Variants in GLP1R observed in about 807,000 individuals in gnomAD.
GLP1R encodes the protein glucagon like peptide 1 receptor, also known as glucagon-like peptide 1 receptor.
In GLP1R, 32 loss-of-function variants were observed where a neutral mutation model predicts 68.4. The observed-to-expected ratio is 0.47, with a 90% CI of 0.35 to 0.63. GLP1R has a LOEUF of 0.63. Ranked by LOEUF, GLP1R falls within the 20% of genes least tolerant of loss-of-function variation. The pLI is 0.00. For missense variants in GLP1R, 502 were observed against 594.9 expected (o/e 0.84, Z 1.62); for synonymous variants, 263 against 244.4 (o/e 1.08, Z -0.71).
intron 3 of GLP1R, among the ~76,000 whole-genome samples, chr6:39,065,378 T>A (rs1284264703): frequency 6.6e-6 from 1 of 152,212 alleles, no homozygotes; most frequent in African/African-American, 2.4e-5. Flanking sequence ...GACATGGAAC[T>A]GAGCTAAACT....
At chr6:39,057,122 T>C (rs1768232321) in intron 2 of GLP1R, among the ~76,000 whole-genome samples, 1 of 152,148 alleles carries the variant, frequency 6.6e-6, no homozygotes, top group Admixed American at 6.5e-5. Flanking sequence ...ATCTGTGAAG[T>C]GCAATTTAAG....
intron 12 of GLP1R, among the ~76,000 whole-genome samples, chr6:39,083,812 G>C (rs1295555870): frequency 6.6e-6 from 1 of 152,210 alleles, no homozygotes; most frequent in East Asian, 1.9e-4. Context: ...AGGAGGAAGT[G>C]TGGTGGCCTA....
Position 39,078,397 on chromosome 6 carries a change from C to CCCTTGGAGCAGGA in GLP1R, c.884+16_884+17insCTTGGAGCAGGAC. On this transcript the variant is annotated intron_variant, in intron 8 of 12. Coordinates refer to ENST00000373256, the MANE Select transcript of GLP1R (RefSeq NM_002062.5). ...GAGGACGAGGGGTGAGTGTCCTGCT[C>CCCTTGGAGCAGGA]CAAGGGGGCGGGTGTGCCCAGGTCC... 1.3e-6 allele frequency: 2 copies of CCCTTGGAGCAGGA among 1,595,122 alleles called. No homozygotes were observed. Among genetic ancestry groups the CCCTTGGAGCAGGA allele is most frequent in the African/African-American group, 1.3e-5 (1 of 74,608 alleles).
At chr6:39,072,643 G>T (rs1330743486) in intron 5 of GLP1R, among the ~76,000 whole-genome samples, 1 of 152,212 alleles carries the variant, frequency 6.6e-6, no homozygotes, top group Non-Finnish European at 1.5e-5. Flanking sequence ...GGAGGAGGGG[G>T]CAGTGACTAC....
chr6:39,073,775 A>G lies in GLP1R; in HGVS notation c.823+6A>G. 1 of 1,613,488 alleles carries G rather than the reference A, an allele frequency of 6.2e-7. No homozygotes were observed. Among genetic ancestry groups the G allele is most frequent in the South Asian group, 1.1e-5 (1 of 91,040 alleles). ...CTACGTGAGCATAGGCTGGGGTAAG[A>G]ACCGCCATCACCCACCCTGGACCTG... On this transcript the variant is annotated splice_donor_region_variant and intron_variant, in intron 7 of 12. Transcript: ENST00000373256.
At chr6:39,060,877 G>C (rs1172506300) in intron 3 of GLP1R, among the ~76,000 whole-genome samples, 2 of 152,196 alleles carry the variant, frequency 1.3e-5, no homozygotes, top group African/African-American at 4.8e-5. Context: ...TTGGGGAGAA[G>C]GGGTAACCCC....
chr6:39,055,833 C>T (rs552851802), intron 1 of GLP1R, among the ~76,000 whole-genome samples: 6 of 152,276 alleles, frequency 3.9e-5, no homozygotes, highest in South Asian at 2.1e-4. Flanking sequence ...CTACTCTCCC[C>T]GGCCCCCGCA....
At position 39,079,686 on chromosome 6, in the gene GLP1R, CCTT is replaced by C; in HGVS notation, c.1168_1170del (p.Phe390del). Reference sequence around the variant, plus strand: ...TTCATCAAGCTGTTTACAGAGCTCTCCTTCACCTCCTTCCAGGTGACTTCATGC... The same window carrying C: ...TTCATCAAGCTGTTTACAGAGCTCTCCACCTCCTTCCAGGTGACTTCATGC... On this transcript the variant is annotated inframe_deletion, in exon 11 of 13. Transcript: ENST00000373256. The surrounding 1 kb of genome is among the most constrained non-coding windows in gnomAD (Gnocchi z 4.5). The C allele has an allele frequency of 1.2e-6, 2 of 1,612,856 alleles. No individual in the cohort carries two copies. The highest frequency in any genetic ancestry group is 1.7e-6 in the Non-Finnish European group (2 of 1,179,376).
intron 7 of GLP1R, among the ~76,000 whole-genome samples, chr6:39,077,545 A>G (rs10305488): frequency 1.3e-5 from 2 of 152,324 alleles, no homozygotes; most frequent in South Asian, 2.1e-4. Context: ...AACAAGCCAC[A>G]GTGTCTTTTA....
Position 39,069,655 on chromosome 6 carries a change from C to A in GLP1R, c.510-3207C>A, listed in dbSNP as rs142208226. ...TCTGTCTCAAAAAAAAAAAAAAAGA[C>A]TGAAATTTTCTACATAGCTCTCATC... On this transcript the variant is annotated intron_variant, in intron 5 of 12. Coordinates refer to ENST00000373256, the MANE Select transcript of GLP1R (RefSeq NM_002062.5). 2.5e-3 allele frequency among the ~76,000 whole-genome samples: 372 copies of A among 150,106 alleles called. 1 individual carries two copies. The highest frequency in any genetic ancestry group is 8.5e-3 in the African/African-American group (349 of 41,050).
intron 12 of GLP1R, 141 bp downstream of exon 12, chr6:39,080,880 A>G (rs1322646706): frequency 3.6e-6 from 2 of 549,432 alleles, no homozygotes; most frequent in Non-Finnish European, 6.5e-6. Context: ...TTGAGAAGCC[A>G]TCTTGTCCAC....
In GLP1R at chr6:39,072,862, A is replaced by G. The variant is rs202222263; in HGVS notation, c.510A>G (p.Arg170=). ...GGAAAGGCCCTGCTTTCTCCCTCAG[A>G]CACCTGCACTGCACCAGGAACTACA... The part of the protein sequence containing the change: ...VIASAILLGF[R]HLHCTRNYIH... The change falls in exon 6 of 13, where the codon AGA becomes AGG. Residue 170 remains arginine (R), a splice_region_variant and synonymous_variant. Transcript: ENST00000373256. 6.2e-7 allele frequency: 1 copy of G among 1,613,352 alleles called. No individual in the cohort carries two copies. The highest frequency in any genetic ancestry group is 1.3e-5 in the African/African-American group (1 of 75,046).
intron 2 of GLP1R, 114 bp downstream of exon 2, chr6:39,056,607 C>G (rs553816907): frequency 1.6e-6 from 1 of 606,656 alleles, no homozygotes; most frequent in African/African-American, 1.8e-5. Context: ...AGGATGCCAC[C>G]CCTGCCCTCT....
chr6:39,061,950 C>A (rs1768367516), intron 3 of GLP1R, among the ~76,000 whole-genome samples: 1 of 152,230 alleles, frequency 6.6e-6, no homozygotes, highest in Non-Finnish European at 1.5e-5. Context: ...CCTCACCTCA[C>A]TCCCTTGGGG....
In GLP1R at chr6:39,079,080, G is replaced by A. The variant is rs752553316; in HGVS notation, c.955-32G>A. 3 of 1,608,020 alleles carry A rather than the reference G, an allele frequency of 1.9e-6. No homozygotes were observed. The highest frequency in any genetic ancestry group is 1.3e-5 in the African/African-American group (1 of 74,884). On this transcript the variant is annotated intron_variant, in intron 9 of 12. Transcript: ENST00000373256. The surrounding 1 kb of genome is among the most constrained non-coding windows in gnomAD (Gnocchi z 4.5). ...GCAGCTATGATAGGGCTGGGCTGGT[G>A]CCCCCTGCCAATCCCCGGCCCCACC... is the stretch of plus-strand genomic sequence containing the variant.
At chr6:39,084,558 G>A (rs1769096050) in intron 12 of GLP1R, among the ~76,000 whole-genome samples, 2 of 152,156 alleles carry the variant, frequency 1.3e-5, no homozygotes, top group African/African-American at 2.4e-5. Context: ...GGCCACCACT[G>A]GACTCAGGGC....
At chr6:39,066,032 C>T (rs951628681) in intron 4 of GLP1R, among the ~76,000 whole-genome samples, 165 bp from the exon 5 acceptor site, 2 of 152,264 alleles carry the variant, frequency 1.3e-5, no homozygotes, top group Non-Finnish European at 2.9e-5. Context: ...CCCAAGATAT[C>T]CAAGAACCAT....
intron 3 of GLP1R, among the ~76,000 whole-genome samples, chr6:39,060,394 A>T (rs1224067796): frequency 6.6e-6 from 1 of 152,198 alleles, no homozygotes; most frequent in Non-Finnish European, 1.5e-5. Flanking sequence ...GGTCATTTTC[A>T]GAGGCTGGCA....
chr6:39,057,415 G>A, intron 2 of GLP1R, 57 bp from the exon 3 acceptor site: 1 of 1,133,390 alleles, frequency 8.8e-7, no homozygotes, highest in East Asian at 2.4e-5. Context: ...GGAAGGGAGG[G>A]AAAGGGCCAT....
Sources: allele counts gnomAD v4.1 joint callset (sites outside exome capture counted in the v4.1 genomes callset), GRCh38; gene constraint gnomAD v4.1.1; non-coding constraint Gnocchi (gnomAD v3.1); transcripts MANE v1.5; gene names NCBI Gene and HGNC (gene_info 2026-07-23, HGNC 2026-07-21).